BCR: variants seen among roughly 807,000 people sequenced by gnomAD.
The protein encoded by BCR is breakpoint cluster region protein.
In BCR, 58 loss-of-function variants were observed where a neutral mutation model predicts 138.6. That is an observed-to-expected ratio of 0.42 (90% confidence interval 0.34 to 0.52). The LOEUF (loss-of-function observed/expected upper bound fraction) is 0.52, where lower values mean the gene tolerates loss of function less well. Among genes scored for constraint, BCR ranks in the 20% least tolerant of loss-of-function variants. The pLI is 0.06. For missense variants in BCR, 1,599 were observed against 1,727.2 expected (o/e 0.93, Z 1.32); for synonymous variants, 786 against 730.1 (o/e 1.08, Z -1.23).
At chr22:23,309,568 G>T in intron 17 of BCR, 85 bp downstream of exon 17, 4 of 1,195,362 alleles carry the variant, frequency 3.3e-6, no homozygotes, top group Non-Finnish European at 3.6e-6. Context: ...GTCAGAGGTG[G>T]CTGAGCCTGA....
At chr22:23,253,571 G>C (rs1272420165) in intron 1 of BCR, among the ~76,000 whole-genome samples, 1 of 152,200 alleles carries the variant, frequency 6.6e-6, no homozygotes, top group Non-Finnish European at 1.5e-5. Flanking sequence ...AGGGGCAGAC[G>C]TATCTCAGAA....
rs1239810978 is a variant in BCR, at chr22:23,317,973, A to G, written c.*2451A>G. 7 of 152,832 alleles carry G rather than the reference A, an allele frequency of 4.6e-5. 1 individual carries two copies. The highest frequency in any genetic ancestry group is 2.5e-4 in the South Asian group (1 of 4,058). The allele number at this position is 152,832 out of a possible 1,614,324, so 9.5% of individuals were successfully genotyped here. A position where few individuals can be genotyped will look rare whatever the true frequency, so the allele number is the denominator to read the frequency against. On this transcript the variant is annotated 3_prime_UTR_variant, in exon 23 of 23. Transcript: ENST00000305877. ...AGTGGCTGGTGTCTTAGCAGCTGCAATCTGAGCTCAGCCACCTACACACCA... is the reference window on the plus strand; with the variant it reads ...AGTGGCTGGTGTCTTAGCAGCTGCAGTCTGAGCTCAGCCACCTACACACCA...
chr22:23,223,165 C>G (rs1302699405), intron 1 of BCR, among the ~76,000 whole-genome samples: 1 of 152,122 alleles, frequency 6.6e-6, no homozygotes, highest in Non-Finnish European at 1.5e-5. Flanking sequence ...AACATAAGAG[C>G]TTTGGTGGGG....
intron 8 of BCR, among the ~76,000 whole-genome samples, chr22:23,282,168 G>A (rs1338095424): frequency 6.6e-6 from 1 of 152,260 alleles, no homozygotes; most frequent in Non-Finnish European, 1.5e-5. Context: ...AAGGACCTCA[G>A]TGTCCTGGGA....
At chr22:23,252,270 C>T (rs1029272328) in intron 1 of BCR, among the ~76,000 whole-genome samples, 13 of 151,426 alleles carry the variant, frequency 8.6e-5, no homozygotes, top group South Asian at 4.1e-4. Context: ...TGGTAGGACT[C>T]GCTGCTCATG....
chr22:23,213,583 G>T (rs568708674), intron 1 of BCR, among the ~76,000 whole-genome samples: 2 of 152,346 alleles, frequency 1.3e-5, no homozygotes, highest in South Asian at 4.1e-4. Context: ...AGCTCTTTGG[G>T]AGGCCAAGGT....
intron 1 of BCR, among the ~76,000 whole-genome samples, chr22:23,221,974 C>T (rs985509766): frequency 7.0e-6 from 1 of 142,490 alleles, no homozygotes; most frequent in African/African-American, 3.1e-5. Flanking sequence ...GCCTGTAATT[C>T]CAGCTACTTG....
At chr22:23,235,000 G>A (rs969286430) in intron 1 of BCR, among the ~76,000 whole-genome samples, 2 of 144,282 alleles carry the variant, frequency 1.4e-5, no homozygotes, top group Non-Finnish European at 3.2e-5. Flanking sequence ...TCACACTCTT[G>A]ATTTCTCAGC....
chr22:23,244,290 C>G (rs2073130434), intron 1 of BCR, among the ~76,000 whole-genome samples: 1 of 152,110 alleles, frequency 6.6e-6, no homozygotes, highest in Admixed American at 6.5e-5. Context: ...CATCTCAAAG[C>G]CTTTAACTTC....
intron 1 of BCR, among the ~76,000 whole-genome samples, chr22:23,236,646 G>A (rs1016681665): frequency 6.6e-6 from 1 of 152,232 alleles, no homozygotes; most frequent in Non-Finnish European, 1.5e-5. Context: ...AGGACCGAGA[G>A]GGGACCAACA....
intron 5 of BCR, among the ~76,000 whole-genome samples, chr22:23,271,283 T>C (rs76679038): frequency 0.025 from 3,851 of 152,344 alleles, 180 homozygotes; most frequent in African/African-American, 0.088. Flanking sequence ...TCAGAGAATC[T>C]GTAGCCCAAA....
Position 23,273,688 on chromosome 22 carries a change from G to A in BCR, c.2029G>A (p.Ala677Thr), listed in dbSNP as rs772761266. 1.1e-5 allele frequency: 17 copies of A among 1,613,986 alleles called. No homozygotes were observed. Among genetic ancestry groups the A allele is most frequent in the Non-Finnish European group, 1.4e-5 (16 of 1,180,046 alleles). Reference sequence around the variant, plus strand: ...CCCTGACCACCCCTTGCTGCAGGACGCCCTCCGCATCTCACAGAACTTCCT... The same window carrying A: ...CCCTGACCACCCCTTGCTGCAGGACACCCTCCGCATCTCACAGAACTTCCT... ...SHPDHPLLQD[A>T]LRISQNFLSS... Residue 677 changes from alanine (A) to threonine (T), a missense_variant, in exon 8 of 23, where the codon GCC becomes ACC. Transcript: ENST00000305877.
intron 16 of BCR, among the ~76,000 whole-genome samples, chr22:23,297,655 T>C (rs1394745566): frequency 6.6e-6 from 1 of 152,186 alleles, no homozygotes; most frequent in Admixed American, 6.5e-5. Flanking sequence ...ACTCACAGCC[T>C]GGGTGCCTGG....
chr22:23,237,403 G>A (rs779674323), intron 1 of BCR, among the ~76,000 whole-genome samples: 4 of 152,236 alleles, frequency 2.6e-5, no homozygotes, highest in Non-Finnish European at 5.9e-5. Context: ...TAACAGGTGG[G>A]ATCTGGACCA....
At chr22:23,227,526 G>A (rs1304288513) in intron 1 of BCR, among the ~76,000 whole-genome samples, 1 of 152,252 alleles carries the variant, frequency 6.6e-6, no homozygotes, top group Non-Finnish European at 1.5e-5. Flanking sequence ...AGGGAAGCGT[G>A]AGAGATCCCC....
At chr22:23,314,780 C>T (rs1395058419) in intron 22 of BCR, 66 bp downstream of exon 22, 4 of 1,568,900 alleles carry the variant, frequency 2.5e-6, no homozygotes, top group African/African-American at 2.7e-5. Flanking sequence ...GCCTGCCCCA[C>T]CCCCAGTCCT....
rs2073759101 is a variant in BCR, at chr22:23,289,551, G to A, written c.2637G>A (p.Leu879=). ...FRSFSLTSVE[L]QMLTNSCVKL... is the part of the protein sequence containing the mutation. ...GCTTCTCCCTGACATCCGTGGAGCT[G>A]CAGATGCTGACCAACTCGTGTGTGA... Residue 879 remains leucine (L), a synonymous_variant, in exon 13 of 23, where the codon CTG becomes CTA. Transcript: ENST00000305877. 1.9e-6 allele frequency: 3 copies of A among 1,614,236 alleles called. No individual in the cohort carries two copies. Among genetic ancestry groups the A allele is most frequent in the Non-Finnish European group, 1.7e-6 (2 of 1,180,020 alleles).
At chr22:23,237,840 G>A (rs1031325780) in intron 1 of BCR, among the ~76,000 whole-genome samples, 9 of 152,240 alleles carry the variant, frequency 5.9e-5, no homozygotes, top group African/African-American at 1.9e-4. Flanking sequence ...CAGATTTCCT[G>A]AAGTGGAGCC....
chr22:23,273,554 A>G, intron 7 of BCR, 80 bp from the exon 8 acceptor site: 12 of 1,589,020 alleles, frequency 7.6e-6, no homozygotes, highest in Non-Finnish European at 1.0e-5. Flanking sequence ...CTCCGTCCAC[A>G]CTTTGTGTCT....
Sources: allele counts gnomAD v4.1 joint callset (sites outside exome capture counted in the v4.1 genomes callset), GRCh38; gene constraint gnomAD v4.1.1; transcripts MANE v1.5; gene names NCBI Gene and HGNC (gene_info 2026-07-23, HGNC 2026-07-21).